The following CSTL1 variants were observed in gnomAD, a reference collection of about 807,000 sequenced individuals.
CSTL1 encodes cystatin like 1, also known as cystatin-like 1.
A neutral mutation model predicts 14.4 loss-of-function variants in CSTL1; 14 were observed. The observed-to-expected ratio is 0.97, with a 90% CI of 0.64 to 1.52. CSTL1 has a LOEUF of 1.52. CSTL1 is among the 40% of genes most tolerant of loss of function. The probability of loss-of-function intolerance (pLI) is 0.00; values close to 1 mark genes in which losing one functional copy is unlikely to be tolerated. For synonymous variants in CSTL1, 72 were observed against 67.5 expected, an observed-to-expected ratio of 1.07 and a Z score of -0.33; for missense variants, 170 against 168.7, an observed-to-expected ratio of 1.01 and a Z score of -0.04.
downstream of CSTL1, among the ~76,000 whole-genome samples, chr20:23,448,219 TG>T (rs1391777647): frequency 6.6e-6 from 1 of 152,194 alleles, no homozygotes; most frequent in Non-Finnish European, 1.5e-5. Context: ...CTTTTTATAA[TG>T]TTTTACCAAA....
At chr20:23,460,701 CA>C in the CSTL1 span, among the ~76,000 whole-genome samples, 8 of 152,138 alleles carry the variant, frequency 5.3e-5, no homozygotes, top group East Asian at 1.5e-3. Flanking sequence ...AAAAGGCACA[CA>C]AAAAATGTCG....
At chr20:23,450,718 C>T in the CSTL1 span, 3 of 553,168 alleles carry the variant, frequency 5.4e-6, no homozygotes, top group East Asian at 2.8e-5. Context: ...CCTATTTGAC[C>T]ACAAACAGAA....
At chr20:23,456,674 C>T in the CSTL1 span, among the ~76,000 whole-genome samples, 1 of 152,152 alleles carries the variant, frequency 6.6e-6, no homozygotes, top group Admixed American at 6.5e-5. Flanking sequence ...AAAGCAACAC[C>T]CTTTTATTAT....
At chr20:23,459,701 T>C in the CSTL1 span, among the ~76,000 whole-genome samples, 1 of 152,246 alleles carries the variant, frequency 6.6e-6, no homozygotes, top group East Asian at 1.9e-4. Context: ...TTTAGTTTTA[T>C]TCACAACTGT....
At chr20:23,454,744 T>C in the CSTL1 span, among the ~76,000 whole-genome samples, 1 of 152,242 alleles carries the variant, frequency 6.6e-6, no homozygotes, top group African/African-American at 2.4e-5. Context: ...CTGAGCTCCC[T>C]GAGCGGCTGT....
In CSTL1 at chr20:23,440,432, C is replaced by T; in HGVS notation, c.165C>T (p.Ala55=). 2 of 1,614,104 alleles carry T rather than the reference C, an allele frequency of 1.2e-6. No homozygotes were observed. Among genetic ancestry groups the T allele is most frequent in the Non-Finnish European group, 1.7e-6 (2 of 1,179,976 alleles). The change falls in exon 2 of 4, where the codon GCC becomes GCT. Residue 55 remains alanine, a synonymous_variant. Transcript: ENST00000347397. ...LNFFIQSYNN[A]SNDTYLYRVQ... ...TCTTCATTCAATCCTACAACAATGC[C>T]AGCAACGACACCTACTTATATCGAG...
chr20:23,459,423 G>C, the CSTL1 span: 1 of 152,130 alleles, frequency 6.6e-6, no homozygotes, highest in African/African-American at 2.4e-5. Flanking sequence ...TCCAGGCAAA[G>C]AGCTTATAAT....
At chr20:23,443,903 C>A in intron 2 of CSTL1, 31 bp from the exon 3 acceptor site, 2 of 1,546,166 alleles carry the variant, frequency 1.3e-6, no homozygotes, top group Non-Finnish European at 1.8e-6. Flanking sequence ...TGCTTGGAGT[C>A]CACACTAACA....
At chr20:23,450,962 A>G in the CSTL1 span, among the ~76,000 whole-genome samples, 1 of 151,466 alleles carries the variant, frequency 6.6e-6, no homozygotes, top group Non-Finnish European at 1.5e-5. Flanking sequence ...CCATCTATTT[A>G]TCCCTCCATT....
At chr20:23,458,189 C>A in the CSTL1 span, among the ~76,000 whole-genome samples, 2 of 152,178 alleles carry the variant, frequency 1.3e-5, no homozygotes, top group Non-Finnish European at 2.9e-5. Context: ...AATGGACTGC[C>A]ACTTCCAGCT....
downstream of CSTL1, among the ~76,000 whole-genome samples, chr20:23,447,025 C>T (rs906588256): frequency 6.6e-6 from 1 of 152,242 alleles, no homozygotes; most frequent in Admixed American, 6.5e-5. Flanking sequence ...TCCTGCAAAT[C>T]TAAGCTAATT....
rs267605856 is a variant in CSTL1 at position 23,443,979 on chromosome 20, A to C, written c.265A>C (p.Thr89Pro). 7 of 1,614,182 alleles carry C rather than the reference A, an allele frequency of 4.3e-6. No homozygotes were observed. The highest frequency in any genetic ancestry group is 5.9e-6 in the Non-Finnish European group (7 of 1,179,988). Residue 89 changes from threonine to proline, a missense_variant, in exon 3 of 4, where the codon ACC (threonine) becomes CCC (proline). By Grantham distance (38) the Thr-to-Pro change is conservative (BLOSUM62 -1). Transcript: ENST00000347397. Reference protein sequence around the residue: ...EYIVTVKIGWTKCKRNDTSNS... With the variant: ...EYIVTVKIGWPKCKRNDTSNS... ...TATAGTCACTGTGAAGATTGGCTGGACCAAATGCAAGAGGAATGACACGAG... is the reference window on the plus strand; with the variant it reads ...TATAGTCACTGTGAAGATTGGCTGGCCCAAATGCAAGAGGAATGACACGAG...
At chr20:23,453,364 AC>A in the CSTL1 span, among the ~76,000 whole-genome samples, 1 of 151,832 alleles carries the variant, frequency 6.6e-6, no homozygotes, top group Non-Finnish European at 1.5e-5. Context: ...GGGAGAGTCA[AC>A]TCTGACACCG....
the CSTL1 span, chr20:23,451,916 G>C: frequency 6.2e-7 from 1 of 1,613,414 alleles, no homozygotes; most frequent in South Asian, 1.1e-5. Flanking sequence ...CAGGTGGTCA[G>C]TGACCTGTGG....
chr20:23,447,988 CTTTTT>C (rs917988565), downstream of CSTL1, among the ~76,000 whole-genome samples: 1 of 151,726 alleles, frequency 6.6e-6, no homozygotes, highest in Non-Finnish European at 1.5e-5. Flanking sequence ...CTATTTCTAT[CTTTTT>C]TTTGCTTTCC....
chr20:23,447,756 T>C (rs1986997596), downstream of CSTL1, among the ~76,000 whole-genome samples: 1 of 152,220 alleles, frequency 6.6e-6, no homozygotes, highest in African/African-American at 2.4e-5. Context: ...CCACCGTGCC[T>C]GGCCACATAC....
the CSTL1 span, among the ~76,000 whole-genome samples, chr20:23,451,397 C>T: frequency 1.3e-5 from 2 of 152,218 alleles, no homozygotes; most frequent in Non-Finnish European, 2.9e-5. Flanking sequence ...CTCCTCCTCC[C>T]CCTGGATGAA....
the CSTL1 span, among the ~76,000 whole-genome samples, chr20:23,459,785 T>G: frequency 6.6e-6 from 1 of 152,226 alleles, no homozygotes; most frequent in African/African-American, 2.4e-5. Context: ...CATGGATGAT[T>G]GAATGAATAA....
At chr20:23,445,871 C>CA (rs1005471039), downstream of CSTL1, among the ~76,000 whole-genome samples, 1 of 152,002 alleles carries the variant, frequency 6.6e-6, no homozygotes, top group Non-Finnish European at 1.5e-5. Flanking sequence ...CCAGCAAAGG[C>CA]AAAAGGTGCA....
Sources: allele counts gnomAD v4.1 joint callset (sites outside exome capture counted in the v4.1 genomes callset), GRCh38; gene constraint gnomAD v4.1.1; transcripts MANE v1.5; gene names NCBI Gene and HGNC (gene_info 2026-07-23, HGNC 2026-07-21).